Variants in PRKN observed in about 807,000 individuals in gnomAD.
PRKN encodes parkin RBR E3 ubiquitin protein ligase.
PRKN carries 56 observed loss-of-function variants against 59.5 expected under a neutral mutation model. That is an observed-to-expected ratio of 0.94 (90% confidence interval 0.76 to 1.18). The LOEUF (loss-of-function observed/expected upper bound fraction) is 1.18. Ranked by LOEUF, PRKN falls within the 50% of genes most tolerant of loss-of-function variation. The pLI is 0.00. For synonymous variants in PRKN, 250 were observed against 222.1 expected (o/e 1.13, Z -1.12); for missense variants, 657 against 596.4 (o/e 1.10, Z -1.06).
At chr6:162,422,497 C>T (rs1181774997) in intron 2 of PRKN, among the ~76,000 whole-genome samples, 2 of 152,180 alleles carry the variant, frequency 1.3e-5, no homozygotes, top group Admixed American at 6.5e-5. Context: ...AGGGAAGGTC[C>T]AGAATACAGC....
At chr6:161,993,572 A>G (rs9365355) in intron 5 of PRKN, among the ~76,000 whole-genome samples, 84,543 of 152,004 alleles carry the variant, frequency 0.56, 23,646 homozygotes, top group Admixed American at 0.63. Flanking sequence ...GAAGAGGAAG[A>G]GATTCTTCCT....
intron 1 of PRKN, among the ~76,000 whole-genome samples, chr6:162,468,422 G>A (rs1791542947): frequency 6.6e-6 from 1 of 152,216 alleles, no homozygotes; most frequent in African/African-American, 2.4e-5. Context: ...CTCAGTGTCT[G>A]TCCAGTGCTG....
chr6:161,703,306 A>G (rs1036771983), intron 7 of PRKN, among the ~76,000 whole-genome samples: 1 of 152,202 alleles, frequency 6.6e-6, no homozygotes, highest in African/African-American at 2.4e-5. Context: ...TCTAACAAAC[A>G]AAAAACAAAC....
intron 1 of PRKN, among the ~76,000 whole-genome samples, chr6:162,453,505 C>G (rs1260856622): frequency 6.6e-6 from 1 of 152,052 alleles, no homozygotes; most frequent in South Asian, 2.1e-4. Context: ...ATGTTAGAAC[C>G]CTCTGTGTGG....
intron 6 of PRKN, among the ~76,000 whole-genome samples, chr6:161,936,761 G>T (rs976722929): frequency 3.3e-5 from 5 of 150,706 alleles, no homozygotes; most frequent in Non-Finnish European, 7.4e-5. Flanking sequence ...TCCTAATTTG[G>T]CTCCTTCTGA....
At chr6:162,314,173 G>C (rs1162164705) in intron 2 of PRKN, among the ~76,000 whole-genome samples, 1 of 152,096 alleles carries the variant, frequency 6.6e-6, no homozygotes, top group Non-Finnish European at 1.5e-5. Context: ...AATGCTGCCA[G>C]ACAGAGATTA....
intron 7 of PRKN, among the ~76,000 whole-genome samples, chr6:161,640,763 T>C (rs1401357182): frequency 6.6e-6 from 1 of 152,156 alleles, no homozygotes. Flanking sequence ...TCCCCAGAAC[T>C]AACACAGAAT....
chr6:162,560,403 A>T (rs1779786814), intron 1 of PRKN, among the ~76,000 whole-genome samples: 1 of 152,174 alleles, frequency 6.6e-6, no homozygotes, highest in African/African-American at 2.4e-5. Flanking sequence ...CAAATTAGAA[A>T]CAGAGTAATC....
At chr6:161,924,103 G>A (rs1195258998) in intron 6 of PRKN, among the ~76,000 whole-genome samples, 1 of 152,122 alleles carries the variant, frequency 6.6e-6, no homozygotes, top group East Asian at 1.9e-4. Flanking sequence ...TCTGTGAAAT[G>A]GGATTAGAAA....
chr6:162,715,299 AT>A (rs1383680355), intron 1 of PRKN, among the ~76,000 whole-genome samples: 1 of 152,220 alleles, frequency 6.6e-6, no homozygotes, highest in Non-Finnish European at 1.5e-5. Flanking sequence ...TCACACTTTC[AT>A]TTAGGCAACA....
intron 2 of PRKN, among the ~76,000 whole-genome samples, chr6:162,314,816 G>A (rs1023502337): frequency 4.4e-4 from 67 of 152,114 alleles, no homozygotes; most frequent in African/African-American, 1.6e-3. Flanking sequence ...GAAAGTCACA[G>A]GCACATTTTT....
chr6:162,311,515 C>T (rs1461608429), intron 2 of PRKN, among the ~76,000 whole-genome samples: 1 of 141,114 alleles, frequency 7.1e-6, no homozygotes, highest in African/African-American at 2.7e-5. Flanking sequence ...CAGAGTCTCG[C>T]TCTGTCGCCC....
chr6:161,930,416 T>C (rs1367922133), intron 6 of PRKN, among the ~76,000 whole-genome samples: 1 of 152,204 alleles, frequency 6.6e-6, no homozygotes, highest in Non-Finnish European at 1.5e-5. Flanking sequence ...TCAAACATTG[T>C]CTGGGGACGA....
intron 6 of PRKN, among the ~76,000 whole-genome samples, chr6:161,967,614 CAT>C (rs1780630692): frequency 6.6e-6 from 1 of 152,152 alleles, no homozygotes; most frequent in Non-Finnish European, 1.5e-5. Context: ...AGCACAAAAA[CAT>C]AAAATTCTTA....
intron 4 of PRKN, among the ~76,000 whole-genome samples, chr6:162,153,181 C>A (rs747236613): frequency 6.6e-6 from 1 of 152,240 alleles, no homozygotes; most frequent in Non-Finnish European, 1.5e-5. Flanking sequence ...CCATGCTAAA[C>A]CCCTCACAGG....
intron 9 of PRKN, among the ~76,000 whole-genome samples, chr6:161,411,377 C>T (rs921135161): frequency 6.6e-6 from 1 of 152,176 alleles, no homozygotes; most frequent in Non-Finnish European, 1.5e-5. Flanking sequence ...GTAAGACATG[C>T]CTTTGCTCCC....
In PRKN at chr6:162,238,300, G is replaced by A. The variant is rs568318228; in HGVS notation, c.412+24225C>T. ...ATGCTGCATGGGTTTGTTGTCTAGG[G>A]GCAATAGGCTACACCGTACAGCCCA... On this transcript the variant is annotated intron_variant, in intron 3 of 11. Transcript: ENST00000366898. Among the ~76,000 whole-genome samples the A allele has an allele frequency of 1.3e-3, 195 of 152,198 alleles. 1 individual carries two copies. Among genetic ancestry groups the A allele is most frequent in the African/African-American group, 4.3e-3 (179 of 41,526 alleles).
At chr6:161,671,265 T>G (rs980209648) in intron 7 of PRKN, among the ~76,000 whole-genome samples, 1 of 152,134 alleles carries the variant, frequency 6.6e-6, no homozygotes, top group South Asian at 2.1e-4. Flanking sequence ...TTCTTAGTGT[T>G]GGCAGTGAGG....
At chr6:161,977,039 A>G (rs1332308917) in intron 5 of PRKN, among the ~76,000 whole-genome samples, 1 of 152,226 alleles carries the variant, frequency 6.6e-6, no homozygotes, top group Admixed American at 6.5e-5. Flanking sequence ...TGCCAACCCT[A>G]TATTAAATAT....
Sources: gnomAD v4.1 joint callset for allele counts (sites outside exome capture counted in the v4.1 genomes callset) on GRCh38, gnomAD v4.1.1 for gene constraint, MANE v1.5 for transcripts, NCBI Gene and HGNC (gene_info 2026-07-23, HGNC 2026-07-21) for gene names.